The following LRRC31 variants were observed in gnomAD, a reference collection of about 807,000 sequenced individuals.
LRRC31 encodes the protein leucine rich repeat containing 31, also known as leucine-rich repeat-containing protein 31.
LRRC31 carries 35 observed loss-of-function variants against 46.7 expected under a neutral mutation model. The observed-to-expected ratio is 0.75, with a 90% CI of 0.57 to 0.99. The LOEUF is 0.99. Among genes scored for constraint, LRRC31 ranks in the 50% least tolerant of loss-of-function variants. The probability of loss-of-function intolerance (pLI) is 0.00; values close to 1 mark genes in which losing one functional copy is unlikely to be tolerated. For missense variants in LRRC31, 613 were observed against 626.1 expected, an observed-to-expected ratio of 0.98 and a Z score of 0.22; for synonymous variants, 236 against 235.1, an observed-to-expected ratio of 1.00 and a Z score of -0.03.
chr3:169,857,415 C>CATATATATATAT (rs1553924970), intron 3 of LRRC31, among the ~76,000 whole-genome samples: 14 of 98,690 alleles, frequency 1.4e-4, no homozygotes, highest in Non-Finnish European at 2.1e-4. Context: ...TATACATATA[C>CATATATATATAT]ATATATATAT....
chr3:169,839,858 C>T lies in LRRC31; in HGVS notation c.*124G>A, dbSNP rs1780393077. On this transcript the variant is annotated 3_prime_UTR_variant, in exon 9 of 9. Coordinates refer to ENST00000316428, the MANE Select transcript of LRRC31 (RefSeq NM_024727.4). The stretch of plus-strand genomic sequence containing the variant: ...GTAATATATATATATATTTACAAAG[C>T]TCTTGTAATATAAGTCCCATTAAAT... 1 of 480,958 alleles carries T rather than the reference C, an allele frequency of 2.1e-6. No individual in the cohort carries two copies. The highest frequency in any genetic ancestry group is 3.7e-6 in the Non-Finnish European group (1 of 271,816). The allele number at this position is 480,958 out of a possible 1,614,324, so 29.8% of individuals were successfully genotyped here.
chr3:169,852,234 T>TAAC (rs1780801982), intron 6 of LRRC31, among the ~76,000 whole-genome samples: 1 of 132,454 alleles, frequency 7.5e-6, no homozygotes, highest in Non-Finnish European at 1.7e-5. Flanking sequence ...CCGTCTCTAC[T>TAAC]AAAAAAAAAA....
chr3:169,858,143 T>G (rs1781028440), intron 3 of LRRC31, among the ~76,000 whole-genome samples: 1 of 152,228 alleles, frequency 6.6e-6, no homozygotes, highest in Non-Finnish European at 1.5e-5. Context: ...ATACCCCATC[T>G]GCATTAAGGT....
At chr3:169,848,386 A>C in intron 7 of LRRC31, 99 bp from the exon 8 acceptor site, 1 of 1,080,932 alleles carries the variant, frequency 9.3e-7, no homozygotes, top group African/African-American at 1.6e-5. Flanking sequence ...ACATGAATAT[A>C]ACTGGGGTTG....
At chr3:169,848,593 G>A (rs548275990) in intron 7 of LRRC31, among the ~76,000 whole-genome samples, 6 of 152,192 alleles carry the variant, frequency 3.9e-5, no homozygotes, top group African/African-American at 1.4e-4. Flanking sequence ...AGCAGCTGGG[G>A]CTACATGTGC....
At chr3:169,862,928 G>A (rs1351383072) in intron 1 of LRRC31, among the ~76,000 whole-genome samples, 1 of 149,876 alleles carries the variant, frequency 6.7e-6, no homozygotes, top group Non-Finnish European at 1.5e-5. Context: ...TGTCACCCAG[G>A]TTAGAGTGCA....
rs1342877247 is a variant in LRRC31, at chr3:169,859,080, C to A, written c.487+1481G>T. On this transcript the variant is annotated intron_variant, in intron 3 of 8. Transcript: ENST00000316428. ...GGATCTACTAAAAATAAAAAAAATA[C>A]AAAATAATTACAAAAATTAGCCAGG... 2.8e-5 allele frequency among the ~76,000 whole-genome samples: 4 copies of A among 140,740 alleles called. No individual in the cohort carries two copies. In the Admixed American group the frequency reaches 3.0e-4, roughly 10 times the overall value. 92.3% of individuals were successfully genotyped at this position (140,740 alleles called of 152,430 possible).
chr3:169,851,614 C>T lies in LRRC31; in HGVS notation c.1159+5G>A. The T allele has an allele frequency of 6.2e-7, 1 of 1,611,614 alleles. No individual in the cohort carries two copies. Among genetic ancestry groups the T allele is most frequent in the Non-Finnish European group, 8.5e-7 (1 of 1,179,114 alleles). On this transcript the variant is annotated splice_donor_5th_base_variant and intron_variant, in intron 7 of 8. Transcript: ENST00000316428. ...GTTCCTGCAGGGATCTGGGAAATCTCTTACCAAGAGCTGTAAAAGTCTCAC... is the reference window on the plus strand; with the variant it reads ...GTTCCTGCAGGGATCTGGGAAATCTTTTACCAAGAGCTGTAAAAGTCTCAC...
At chr3:169,867,059 G>T (rs28398434) in intron 1 of LRRC31, among the ~76,000 whole-genome samples, 14,305 of 103,080 alleles carry the variant, frequency 0.14, 1,737 homozygotes, top group African/African-American at 0.4. Context: ...TTGTTTGTTT[G>T]TTTTTTTTTT....
chr3:169,861,223 CACGCCTGGCTA>C lies in LRRC31; in HGVS notation c.319+436_319+446del, dbSNP rs573585757. On this transcript the variant is annotated intron_variant, in intron 2 of 8. Coordinates refer to ENST00000316428, the MANE Select transcript of LRRC31 (RefSeq NM_024727.4). The stretch of plus-strand genomic sequence containing the variant: ...GGCTGGGATTACAGGCACCCGCCAC[CACGCCTGGCTA>C]ACTTTTGTATTTTTAGTAGAGACGG... Among the ~76,000 whole-genome samples the C allele has an allele frequency of 6.0e-4, 91 of 151,768 alleles. 2 individuals carry two copies. The South Asian group carries it at 0.018, about 31-fold the overall frequency.
rs1780400022 is a variant in LRRC31, at chr3:169,840,075, T to C, written c.1566A>G (p.Arg522=). 2.5e-6 allele frequency: 4 copies of C among 1,614,004 alleles called. No homozygotes were observed. The highest frequency in any genetic ancestry group is 1.6e-4 in the Middle Eastern group (1 of 6,084). The change falls in exon 9 of 9, where the codon AGA becomes AGG. Residue 522 remains arginine, a synonymous_variant. Transcript: ENST00000316428. ...CCTCCTGTGAAGCTGGGAGAATCCA[T>C]CTTTTCATTCCTATCTCAGTGATCT... is the stretch of plus-strand genomic sequence containing the variant. ...LPQITEIGMK[R]WILPASQEEE... is the part of the protein sequence containing the mutation.
In LRRC31 at chr3:169,857,414, A is replaced by G. The variant is rs1032754348; in HGVS notation, c.488-542T>C. Among the ~76,000 whole-genome samples the G allele has an allele frequency of 3.1e-4, 41 of 132,132 alleles. 1 individual carries two copies. Among genetic ancestry groups the G allele is most frequent in the African/African-American group, 1.2e-3 (40 of 34,162 alleles). The allele number at this position is 132,132 out of a possible 152,430, so 86.7% of individuals were successfully genotyped here. ...TATACATACACACACATATACATATACATATATATATATATGAGGAATATC... is the reference window on the plus strand; with the variant it reads ...TATACATACACACACATATACATATGCATATATATATATATGAGGAATATC... On this transcript the variant is annotated intron_variant, in intron 3 of 8. Coordinates refer to ENST00000316428, the MANE Select transcript of LRRC31 (RefSeq NM_024727.4).
At chr3:169,850,426 G>A (rs572496157) in intron 7 of LRRC31, among the ~76,000 whole-genome samples, 1 of 152,138 alleles carries the variant, frequency 6.6e-6, no homozygotes, top group Non-Finnish European at 1.5e-5. Context: ...CCCAGGATAC[G>A]TAGCCTTCAG....
At chr3:169,860,798 G>C (rs774075975) in intron 2 of LRRC31, 70 bp from the exon 3 acceptor site, 137 of 1,447,486 alleles carry the variant, frequency 9.5e-5, no homozygotes, top group Non-Finnish European at 1.3e-4. Context: ...AAAATGCAAT[G>C]CTTACATACA....
chr3:169,844,988 T>C (rs891419792), intron 8 of LRRC31, among the ~76,000 whole-genome samples: 7 of 150,836 alleles, frequency 4.6e-5, no homozygotes, highest in Non-Finnish European at 2.9e-5. Flanking sequence ...GATATGATTA[T>C]CTATATAGAA....
chr3:169,840,923 T>A (rs12492588), intron 8 of LRRC31, among the ~76,000 whole-genome samples: 41,788 of 152,074 alleles, frequency 0.27, 6,245 homozygotes, highest in East Asian at 0.62. Context: ...AATAAAGACT[T>A]CTGTAAGAGG....
At chr3:169,853,558 G>C (rs911217053) in intron 6 of LRRC31, 2 of 985,752 alleles carry the variant, frequency 2.0e-6, no homozygotes, top group African/African-American at 3.5e-5. Flanking sequence ...GGAATCTGGT[G>C]GGCTAATAAC....
intron 1 of LRRC31, among the ~76,000 whole-genome samples, chr3:169,867,227 T>C (rs553777331): frequency 6.8e-6 from 1 of 146,608 alleles, no homozygotes; most frequent in Non-Finnish European, 1.5e-5. Context: ...ATTTTTAAAC[T>C]ATTTTCTAGA....
chr3:169,845,946 T>C (rs1236977703), intron 8 of LRRC31, among the ~76,000 whole-genome samples: 2 of 152,098 alleles, frequency 1.3e-5, no homozygotes, highest in Non-Finnish European at 2.9e-5. Context: ...TAATAGCAAA[T>C]TATATTTCTG....
Sources: gnomAD v4.1 joint callset for allele counts (sites outside exome capture counted in the v4.1 genomes callset) on GRCh38, gnomAD v4.1.1 for gene constraint, MANE v1.5 for transcripts, NCBI Gene and HGNC (gene_info 2026-07-23, HGNC 2026-07-21) for gene names.